PLCL1: variants seen among roughly 807,000 people sequenced by gnomAD.
PLCL1 encodes inactive phospholipase C-like protein 1.
In PLCL1, 41 loss-of-function variants were observed where a neutral mutation model predicts 84.4. The observed-to-expected ratio is 0.49, with a 90% confidence interval of 0.38 to 0.63. The LOEUF is 0.63. PLCL1 is among the 30% of genes least tolerant of loss of function. PLCL1 has a pLI of 0.00. For missense variants in PLCL1, 1,206 were observed against 1,367.8 expected, an observed-to-expected ratio of 0.88 and a Z score of 1.87; for synonymous variants, 490 against 488.3, an observed-to-expected ratio of 1.00 and a Z score of -0.05.
At chr2:197,806,152 G>T (rs1690473886) in intron 1 of PLCL1, among the ~76,000 whole-genome samples, 1 of 152,114 alleles carries the variant, frequency 6.6e-6, no homozygotes, top group African/African-American at 2.4e-5. Flanking sequence ...AAGAACCCTC[G>T]CACAGGCTCT....
chr2:197,932,084 C>T (rs974641668), intron 1 of PLCL1, among the ~76,000 whole-genome samples: 23 of 152,146 alleles, frequency 1.5e-4, no homozygotes, highest in African/African-American at 4.8e-4. Context: ...CAGTTTTAGG[C>T]TTCTGTGATC....
At position 198,149,398 on chromosome 2, in the gene PLCL1, A is replaced by C. The variant is rs1694593779; in HGVS notation, c.*2436A>C. The C allele has an allele frequency of 6.6e-6, 1 of 152,144 alleles. No individual in the cohort carries two copies. The highest frequency in any genetic ancestry group is 2.1e-4 in the South Asian group (1 of 4,834). The allele number at this position is 152,144 out of a possible 1,614,324, so 9.4% of individuals were successfully genotyped here. A position where few individuals can be genotyped will look rare whatever the true frequency, so the allele number is the denominator to read the frequency against. ...AGGATCTGAGGTGGAGATGGCGGGT[A>C]TTATCACTGGCATTTTACAGGTGAG... On this transcript the variant is annotated 3_prime_UTR_variant, in exon 6 of 6. Transcript: ENST00000428675.
intron 1 of PLCL1, among the ~76,000 whole-genome samples, chr2:197,897,216 T>C (rs1688169747): frequency 6.7e-6 from 1 of 149,014 alleles, no homozygotes; most frequent in Non-Finnish European, 1.5e-5. Context: ...TTCTTCTTCC[T>C]CTTCTTCCTC....
At chr2:197,918,327 C>T (rs1273569432) in intron 1 of PLCL1, among the ~76,000 whole-genome samples, 3 of 152,138 alleles carry the variant, frequency 2.0e-5, no homozygotes, top group South Asian at 2.1e-4. Context: ...GAGCCTAAGG[C>T]GGAGACATGT....
intron 1 of PLCL1, among the ~76,000 whole-genome samples, chr2:198,062,043 A>G (rs545469836): frequency 3.3e-4 from 50 of 152,292 alleles, no homozygotes; most frequent in African/African-American, 1.1e-3. Context: ...CTTCCTCTTC[A>G]TCTGAGTACA....
intron 5 of PLCL1, among the ~76,000 whole-genome samples, chr2:198,112,574 C>A (rs1693648208): frequency 1.3e-5 from 2 of 151,860 alleles, no homozygotes. Flanking sequence ...TACAATCTGT[C>A]CTTTATCAAC....
chr2:198,090,305 A>G (rs1002865939), intron 3 of PLCL1, among the ~76,000 whole-genome samples: 10 of 152,140 alleles, frequency 6.6e-5, no homozygotes, highest in African/African-American at 2.4e-4. Context: ...ATTTCTATGA[A>G]TATGCCCCTA....
intron 5 of PLCL1, among the ~76,000 whole-genome samples, chr2:198,111,144 T>C (rs1446226596): frequency 6.6e-6 from 1 of 151,882 alleles, no homozygotes; most frequent in Non-Finnish European, 1.5e-5. Context: ...TGGGTTGTGC[T>C]ATAGTAACAA....
chr2:197,876,615 C>T (rs1574926503), intron 1 of PLCL1, among the ~76,000 whole-genome samples: 1 of 151,896 alleles, frequency 6.6e-6, no homozygotes, highest in Non-Finnish European at 1.5e-5. Context: ...GCATAATAGC[C>T]TGTTCATTAA....
chr2:197,831,290 C>T (rs368865125), intron 1 of PLCL1, among the ~76,000 whole-genome samples: 27 of 151,832 alleles, frequency 1.8e-4, no homozygotes, highest in Non-Finnish European at 3.2e-4. Flanking sequence ...CATGCAAAGA[C>T]GCACATAAGC....
At chr2:197,979,972 T>C (rs1207126749) in intron 1 of PLCL1, among the ~76,000 whole-genome samples, 2 of 152,154 alleles carry the variant, frequency 1.3e-5, no homozygotes, top group Non-Finnish European at 2.9e-5. Flanking sequence ...CTAGAAACCT[T>C]AGTCCCTGGA....
chr2:198,035,100 C>T (rs1691525398), intron 1 of PLCL1, among the ~76,000 whole-genome samples: 1 of 152,118 alleles, frequency 6.6e-6, no homozygotes, highest in African/African-American at 2.4e-5. Flanking sequence ...TAATAACTAT[C>T]TTGTGGGAGA....
chr2:197,898,422 A>C (rs1688196944), intron 1 of PLCL1, among the ~76,000 whole-genome samples: 1 of 152,150 alleles, frequency 6.6e-6, no homozygotes, highest in African/African-American at 2.4e-5. Context: ...ATAGCTTGTC[A>C]TTCTCTAAGT....
chr2:197,975,456 T>A (rs1020737260), intron 1 of PLCL1, among the ~76,000 whole-genome samples: 1 of 152,156 alleles, frequency 6.6e-6, no homozygotes, highest in African/African-American at 2.4e-5. Flanking sequence ...CTTTCTCCTA[T>A]CAACTCTTAT....
At chr2:198,098,651 A>G (rs905574499) in intron 3 of PLCL1, among the ~76,000 whole-genome samples, 1 of 152,214 alleles carries the variant, frequency 6.6e-6, no homozygotes, top group African/African-American at 2.4e-5. Context: ...CTAGGAATTT[A>G]GGTCTAATTC....
chr2:197,869,733 T>C (rs909920005), intron 1 of PLCL1, among the ~76,000 whole-genome samples: 5 of 152,184 alleles, frequency 3.3e-5, no homozygotes, highest in Non-Finnish European at 7.4e-5. Flanking sequence ...GTTTTGATGT[T>C]ATCCTAGTGT....
chr2:197,872,611 G>T (rs1026693036), intron 1 of PLCL1, among the ~76,000 whole-genome samples: 5 of 152,092 alleles, frequency 3.3e-5, no homozygotes, highest in Non-Finnish European at 5.9e-5. Context: ...CCCATCTGAT[G>T]AATGGGGGCA....
intron 1 of PLCL1, among the ~76,000 whole-genome samples, chr2:197,965,176 G>A (rs998809662): frequency 1.3e-5 from 2 of 152,010 alleles, no homozygotes; most frequent in Non-Finnish European, 2.9e-5. Context: ...AGCAGTGATG[G>A]CATCAGGTCC....
chr2:197,908,671 C>G (rs568392118), intron 1 of PLCL1, among the ~76,000 whole-genome samples: 2 of 152,046 alleles, frequency 1.3e-5, no homozygotes, highest in South Asian at 4.1e-4. Context: ...ACCTTAGACC[C>G]GATAAGCATT....
Sources: allele counts gnomAD v4.1 joint callset (sites outside exome capture counted in the v4.1 genomes callset), GRCh38; gene constraint gnomAD v4.1.1; transcripts MANE v1.5; gene names NCBI Gene and HGNC (gene_info 2026-07-23, HGNC 2026-07-21).